Variants in VPS13B observed in about 807,000 individuals in gnomAD.
VPS13B encodes the protein vacuolar protein sorting 13 homolog B.
VPS13B carries 285 observed loss-of-function variants against 426.4 expected under a neutral mutation model. The observed-to-expected ratio is 0.67, with a 90% CI of 0.61 to 0.74. The LOEUF (loss-of-function observed/expected upper bound fraction) is 0.74. VPS13B is among the 30% of genes least tolerant of loss of function. The pLI, the probability that VPS13B is intolerant of heterozygous loss-of-function variation, is 0.00. For missense variants in VPS13B, 4,537 were observed against 4,782.6 expected, an observed-to-expected ratio of 0.95 and a Z score of 1.51; for synonymous variants, 1,676 against 1,676.4, an observed-to-expected ratio of 1.00 and a Z score of 0.01.
chr8:99,405,398 G>C (rs920224783), intron 21 of VPS13B, among the ~76,000 whole-genome samples: 2 of 152,094 alleles, frequency 1.3e-5, no homozygotes, highest in African/African-American at 4.8e-5. Flanking sequence ...CCACTTCCAA[G>C]TTGTATCTTG....
chr8:99,505,755 C>T (rs925802456), intron 27 of VPS13B, among the ~76,000 whole-genome samples: 1 of 152,116 alleles, frequency 6.6e-6, no homozygotes, highest in Non-Finnish European at 1.5e-5. Flanking sequence ...GATGGATTTA[C>T]TCAATGTAAG....
At chr8:99,673,552 C>T (rs1368297422) in intron 35 of VPS13B, among the ~76,000 whole-genome samples, 1 of 151,584 alleles carries the variant, frequency 6.6e-6, no homozygotes, top group African/African-American at 2.4e-5. Flanking sequence ...AAGACTGGTT[C>T]TTTGTTTCTC....
intron 17 of VPS13B, among the ~76,000 whole-genome samples, chr8:99,232,457 A>G (rs560531134): frequency 6.6e-6 from 1 of 152,226 alleles, no homozygotes; most frequent in East Asian, 1.9e-4. Context: ...TCCTCTCTAC[A>G]CCGTGAACCT....
intron 33 of VPS13B, among the ~76,000 whole-genome samples, chr8:99,598,877 A>G (rs1339392374): frequency 6.6e-6 from 1 of 151,980 alleles, no homozygotes; most frequent in Non-Finnish European, 1.5e-5. Flanking sequence ...TTGATAGTTA[A>G]AAATTATGAT....
At chr8:99,174,177 G>A (rs1812505878) in intron 16 of VPS13B, among the ~76,000 whole-genome samples, 1 of 152,124 alleles carries the variant, frequency 6.6e-6, no homozygotes, top group African/African-American at 2.4e-5. Context: ...TTGTAAGACT[G>A]AATTTTATGT....
chr8:99,349,332 C>CAAAAAAAAA (rs35441676), intron 19 of VPS13B, among the ~76,000 whole-genome samples: 24 of 47,678 alleles, frequency 5.0e-4, no homozygotes, highest in African/African-American at 8.2e-4. Context: ...GACTCCGTCT[C>CAAAAAAAAA]AAAAAAAAAA....
Position 99,875,144 on chromosome 8 carries a change from T to C in VPS13B, c.11746-274T>C. The C allele has an allele frequency of 6.3e-6, 3 of 479,594 alleles. No individual in the cohort carries two copies. The South Asian group carries it at 6.5e-5, about 10-fold the overall frequency. The allele number at this position is 479,594 out of a possible 1,614,324, so 29.7% of individuals were successfully genotyped here. On this transcript the variant is annotated intron_variant, in intron 61 of 61. Transcript: ENST00000357162. Reference sequence around the variant, plus strand: ...TAATGGTGAGTAGAATGTTATCAAATCGTCAACTTCAAACATGGGAATTTT... The same window carrying C: ...TAATGGTGAGTAGAATGTTATCAAACCGTCAACTTCAAACATGGGAATTTT...
chr8:99,659,266 A>G (rs1830134645), intron 34 of VPS13B, among the ~76,000 whole-genome samples: 3 of 152,030 alleles, frequency 2.0e-5, no homozygotes, highest in Admixed American at 2.0e-4. Context: ...TGTTTTGTTT[A>G]GTAATTTTCA....
intron 8 of VPS13B, among the ~76,000 whole-genome samples, chr8:99,126,756 A>G (rs1022484265): frequency 6.6e-6 from 1 of 152,234 alleles, no homozygotes; most frequent in Non-Finnish European, 1.5e-5. Context: ...ATCTTCTGAC[A>G]TATATATGTG....
At chr8:99,148,784 A>G (rs930380199) in intron 14 of VPS13B, among the ~76,000 whole-genome samples, 3 of 152,234 alleles carry the variant, frequency 2.0e-5, no homozygotes, top group Admixed American at 1.3e-4. Context: ...CTATAGGACA[A>G]CCTGTAAACA....
rs1017483253 is a variant in VPS13B, at chr8:99,873,658, A to G, written c.11746-1760A>G. Among the ~76,000 whole-genome samples, 7 of 152,172 alleles carry G rather than the reference A, an allele frequency of 4.6e-5. No individual in the cohort carries two copies. The South Asian group carries it at 1.5e-3, about 32-fold the overall frequency. On this transcript the variant is annotated intron_variant, in intron 61 of 61. Transcript: ENST00000357162. ...TAGGAATAACTGCTGCCTTAATCCT[A>G]TGTCTATAACCCCAACCTCTCCTAC...
chr8:99,868,527 AG>A, intron 59 of VPS13B, 62 bp downstream of exon 59: 1 of 1,551,064 alleles, frequency 6.4e-7, no homozygotes, highest in Non-Finnish European at 8.7e-7. Flanking sequence ...GCTTATACCA[AG>A]GGTTCCCTAA....
intron 43 of VPS13B, among the ~76,000 whole-genome samples, chr8:99,808,033 A>G (rs992483859): frequency 2.0e-5 from 3 of 151,940 alleles, no homozygotes; most frequent in Non-Finnish European, 4.4e-5. Context: ...GGCAATTTCC[A>G]TGTAAATCCT....
intron 35 of VPS13B, among the ~76,000 whole-genome samples, chr8:99,664,596 C>T (rs1830390226): frequency 6.6e-6 from 1 of 151,998 alleles, no homozygotes; most frequent in African/African-American, 2.4e-5. Flanking sequence ...TGATAGTTTG[C>T]TGAGAATGAT....
chr8:99,132,906 A>C (rs535222954), intron 8 of VPS13B, among the ~76,000 whole-genome samples: 2 of 152,014 alleles, frequency 1.3e-5, no homozygotes, highest in South Asian at 4.1e-4. Context: ...TTTTTTTTCC[A>C]TTCATAGAGC....
chr8:99,661,376 A>T lies in VPS13B; in HGVS notation c.5931A>T (p.Glu1977Asp), dbSNP rs1830218052. 2 of 1,613,716 alleles carry T rather than the reference A, an allele frequency of 1.2e-6. No individual in the cohort carries two copies. Among genetic ancestry groups the T allele is most frequent in the East Asian group, 2.2e-5 (1 of 44,834 alleles). Residue 1977 changes from glutamate (E) to aspartate (D), a missense_variant, in exon 35 of 62, where the codon GAA (glutamate) becomes GAT (aspartate). By Grantham distance (45) the Glu-to-Asp change is conservative (BLOSUM62 2). Transcript: ENST00000357162. ...TAGATCCTGGGAAGACTCTGCCTGA[A>T]GCCCTTGATTATTGCACTGTTTGGC... ...KCIDPGKTLPEALDYCTVWLQ... is the reference protein window; with the variant it reads ...KCIDPGKTLPDALDYCTVWLQ...
At chr8:99,716,375 G>T (rs1053116833) in intron 36 of VPS13B, among the ~76,000 whole-genome samples, 1 of 152,072 alleles carries the variant, frequency 6.6e-6, no homozygotes, top group Non-Finnish European at 1.5e-5. Context: ...TACAAACGTG[G>T]TCTGGTGAAA....
intron 26 of VPS13B, 75 bp from the exon 27 acceptor site, chr8:99,502,761 G>A (rs1821311733): frequency 8.8e-7 from 1 of 1,140,838 alleles, no homozygotes; most frequent in African/African-American, 1.5e-5. Context: ...ATTTGTCAAT[G>A]TGAAATGTAA....
chr8:99,545,234 A>G (rs1823905901), intron 30 of VPS13B, among the ~76,000 whole-genome samples: 1 of 152,136 alleles, frequency 6.6e-6, no homozygotes, highest in South Asian at 2.1e-4. Flanking sequence ...GTGGAGATTT[A>G]CGTTTTTAAT....
Sources: gnomAD v4.1 joint callset for allele counts (sites outside exome capture counted in the v4.1 genomes callset) on GRCh38, gnomAD v4.1.1 for gene constraint, MANE v1.5 for transcripts, NCBI Gene and HGNC (gene_info 2026-07-23, HGNC 2026-07-21) for gene names.